Variants in ERMP1 observed in about 807,000 individuals in gnomAD.
The protein encoded by ERMP1 is Felix-ina.
In ERMP1, 86 loss-of-function variants were observed where a neutral mutation model predicts 92.0. The observed-to-expected ratio is 0.93, with a 90% CI of 0.79 to 1.12. ERMP1 has a LOEUF of 1.12. Among genes scored for constraint, ERMP1 ranks in the 50% most tolerant of loss-of-function variants. The pLI, the probability that ERMP1 is intolerant of heterozygous loss-of-function variation, is 0.00. For synonymous variants in ERMP1, 530 were observed against 412.8 expected, an observed-to-expected ratio of 1.28 and a Z score of -3.44; for missense variants, 1,342 against 1,116.3, an observed-to-expected ratio of 1.20 and a Z score of -2.88.
chr9:5,864,061 A>G lies in ERMP1; in HGVS notation n.3055+3741T>C, dbSNP rs1830578861. Among the ~76,000 whole-genome samples, 5 of 152,332 alleles carry G rather than the reference A, an allele frequency of 3.3e-5. No homozygotes were observed. The South Asian group carries it at 1.0e-3, about 32-fold the overall frequency. ...GTCTATGCCCATTTTAAAAAAGCTT[A>G]TGATAGATATGGCCAAACTGCCCTC... On this transcript the variant is annotated intron_variant and non_coding_transcript_variant, in intron 5 of 6. Transcript: ENST00000690753.
Position 5,825,097 on chromosome 9 carries a change from A to G in ERMP1, c.763T>C (p.Leu255=), listed in dbSNP as rs756854302. 6.2e-7 allele frequency: 1 copy of G among 1,613,880 alleles called. No individual in the cohort carries two copies. The highest frequency in any genetic ancestry group is 8.5e-7 in the Non-Finnish European group (1 of 1,179,784). The change falls in exon 3 of 15, where the codon TTG becomes CTG. Residue 255 remains leucine, a synonymous_variant. Transcript: ENST00000339450. ...TTAAAACAGTAAAATCTCACTTGCA[A>G]GACATTTTCCTCAGCACCATTAAAG... The part of the protein sequence containing the change: ...FLFNGAEENV[L]QASHGFITQH...
intron 7 of ERMP1, among the ~76,000 whole-genome samples, 165 bp downstream of exon 7, chr9:5,810,941 AAAAGT>A (rs1344938741): frequency 2.0e-5 from 3 of 152,236 alleles, no homozygotes; most frequent in Non-Finnish European, 2.9e-5. Context: ...CACCAAGACT[AAAAGT>A]AAAATAAGCA....
chr9:5,850,084 G>A (rs888652626), intron 6 of ERMP1, among the ~76,000 whole-genome samples: 1 of 152,160 alleles, frequency 6.6e-6, no homozygotes, highest in African/African-American at 2.4e-5. Flanking sequence ...ACAGCCTGCT[G>A]TTATCAGAGC....
chr9:5,864,507 AC>A (rs1830593420), intron 5 of ERMP1, among the ~76,000 whole-genome samples: 1 of 152,142 alleles, frequency 6.6e-6, no homozygotes, highest in South Asian at 2.1e-4. Context: ...AGGCTATTTA[AC>A]CTCACCCCCG....
intron 5 of ERMP1, 147 bp downstream of exon 5, chr9:5,812,742 C>G: frequency 1.1e-6 from 1 of 885,570 alleles, no homozygotes. Context: ...AAAAAGGAAA[C>G]AAACTCTGTT....
chr9:5,831,954 T>C (rs948759175), intron 1 of ERMP1, among the ~76,000 whole-genome samples: 19 of 152,196 alleles, frequency 1.2e-4, no homozygotes, highest in Non-Finnish European at 1.0e-4. Context: ...ACACTTTGCA[T>C]TCTAGCAAAA....
In ERMP1 at chr9:5,805,182, C is replaced by T; in HGVS notation, c.1759G>A (p.Gly587Arg). ...GCATAAAGATAAGGAATAAACATCC[C>T]CAAAAGGTAAAAAGCAATAAATTTT... Reference protein sequence around the residue: ...QGKFIAFYLLGMFIPYLYALY... With the variant: ...QGKFIAFYLLRMFIPYLYALY... Residue 587 changes from glycine (G) to arginine (R), a missense_variant, in exon 10 of 15, where the codon GGG becomes AGG. Coordinates refer to ENST00000339450, the MANE Select transcript of ERMP1 (RefSeq NM_024896.3). 6.2e-7 allele frequency: 1 copy of T among 1,609,756 alleles called. No individual in the cohort carries two copies.
intron 2 of ERMP1, among the ~76,000 whole-genome samples, chr9:5,825,890 T>G (rs1369878059): frequency 6.6e-6 from 1 of 152,236 alleles, no homozygotes; most frequent in African/African-American, 2.4e-5. Flanking sequence ...TAATTAAAAG[T>G]AACTATAAAG....
Position 5,797,876 on chromosome 9 carries a change from CG to C in ERMP1, c.2326del (p.Arg776AspfsTer13). Reference protein sequence around the residue: ...EVSPRNPPHFRLISKEQTPWD... With the variant: ...EVSPRNPPHFXLISKEQTPWD... ...AGGTGTCTGTTCTTTGGATATGAGT[CG>C]GAAATGAGGAGGATTTCTTGGAGAA... is the stretch of plus-strand genomic sequence containing the variant. On this transcript the variant is annotated frameshift_variant, in exon 13 of 15. Coordinates refer to ENST00000339450, the MANE Select transcript of ERMP1 (RefSeq NM_024896.3). LOFTEE classifies it high-confidence loss of function. 1 of 1,613,710 alleles carries C rather than the reference CG, an allele frequency of 6.2e-7. No homozygotes were observed. Among genetic ancestry groups the C allele is most frequent in the Non-Finnish European group, 8.5e-7 (1 of 1,179,864 alleles).
At position 5,785,719 on chromosome 9, in the gene ERMP1, A is replaced by G. The variant is rs1350613599; in HGVS notation, c.*1425T>C. Reference sequence around the variant, plus strand: ...TTCTATTCAGACAGATCCACAGACCACCTTTCAAGAGCATTCCTCTCTCAT... The same window carrying G: ...TTCTATTCAGACAGATCCACAGACCGCCTTTCAAGAGCATTCCTCTCTCAT... On this transcript the variant is annotated 3_prime_UTR_variant, in exon 15 of 15. Transcript: ENST00000339450. 1 of 152,646 alleles carries G rather than the reference A, an allele frequency of 6.6e-6. No individual in the cohort carries two copies. Among genetic ancestry groups the G allele is most frequent in the East Asian group, 1.9e-4 (1 of 5,194 alleles). The allele number at this position is 152,646 out of a possible 1,614,324, so 9.5% of individuals were successfully genotyped here.
chr9:5,847,333 G>A (rs908815248), intron 6 of ERMP1, among the ~76,000 whole-genome samples: 1 of 151,914 alleles, frequency 6.6e-6, no homozygotes, highest in Non-Finnish European at 1.5e-5. Flanking sequence ...CTGCCTCCTG[G>A]GCTCAAACGA....
chr9:5,847,648 C>G (rs1208937858), intron 6 of ERMP1, among the ~76,000 whole-genome samples: 1 of 152,080 alleles, frequency 6.6e-6, no homozygotes, highest in African/African-American at 2.4e-5. Context: ...GTAATCCCGG[C>G]ACTTTGGGAG....
chr9:5,811,045 A>C, intron 7 of ERMP1, 66 bp downstream of exon 7: 1 of 1,100,068 alleles, frequency 9.1e-7, no homozygotes, highest in Non-Finnish European at 1.4e-6. Context: ...AAACAAACTG[A>C]CTGAAAAACT....
rs112542390 is a variant in ERMP1, at chr9:5,847,108, G to C, written n.3199+12360C>G. On this transcript the variant is annotated intron_variant and non_coding_transcript_variant, in intron 6 of 6. Coordinates refer to the ERMP1 transcript ENST00000690753. ...CAGGGGATGGAGGGAAGAGACGCCA[G>C]TAAATTGAATTTGCTGTTTAACTCA... is the stretch of plus-strand genomic sequence containing the variant. Among the ~76,000 whole-genome samples the C allele has an allele frequency of 1.3e-3, 195 of 152,328 alleles. 1 individual carries two copies. Among genetic ancestry groups the C allele is most frequent in the African/African-American group, 4.3e-3 (179 of 41,574 alleles).
chr9:5,812,234 G>GAA lies in ERMP1; in HGVS notation c.1022-19_1022-18dup. On this transcript the variant is annotated splice_polypyrimidine_tract_variant and intron_variant, in intron 5 of 14. Coordinates refer to ENST00000339450, the MANE Select transcript of ERMP1 (RefSeq NM_024896.3). ...AGTCTATTCCTAAAACATATATATA[G>GAA]AAAAAAAAAAGTCATTTTGCTTTAA... 2.4e-5 allele frequency: 32 copies of GAA among 1,326,852 alleles called. No homozygotes were observed. Among genetic ancestry groups the GAA allele is most frequent in the Non-Finnish European group, 2.6e-5 (25 of 974,152 alleles). 82.2% of individuals were successfully genotyped at this position (1,326,852 alleles called of 1,614,324 possible). A position where few individuals can be genotyped will look rare whatever the true frequency, so the allele number is the denominator to read the frequency against.
At chr9:5,864,097 C>T (rs1352497938) in intron 5 of ERMP1, among the ~76,000 whole-genome samples, 2 of 152,196 alleles carry the variant, frequency 1.3e-5, no homozygotes, top group Non-Finnish European at 1.5e-5. Flanking sequence ...CAGAATTGCA[C>T]ATTTTCACTA....
rs78567992 is a variant in ERMP1, at chr9:5,827,573, G to A, written c.641-2354C>T. 3.7e-3 allele frequency among the ~76,000 whole-genome samples: 560 copies of A among 152,192 alleles called. 3 individuals carry two copies. The highest frequency in any genetic ancestry group is 0.018 in the South Asian group (86 of 4,826). On this transcript the variant is annotated intron_variant, in intron 2 of 14. Coordinates refer to ENST00000339450, the MANE Select transcript of ERMP1 (RefSeq NM_024896.3). ...CCTATAAAATTTTAGTTAAAAGTAG[G>A]TTCTAGGGCCAGGCGCAGTGGCTCA...
Position 5,787,158 on chromosome 9 carries a change from G to A in ERMP1, c.2701C>T (p.Leu901Phe). Residue 901 changes from leucine (L) to phenylalanine (F), a missense_variant, in exon 15 of 15, where the codon CTC (leucine) becomes TTC (phenylalanine). Coordinates refer to ENST00000339450, the MANE Select transcript of ERMP1 (RefSeq NM_024896.3). ...CATCCACAAGATTAAAATACAAAGA[G>A]ATCGTAGGTGCACACCCAGGCAGAG... ...FPSAWVCTYD[L>F]FVF The A allele has an allele frequency of 6.2e-7, 1 of 1,613,362 alleles. No homozygotes were observed. Among genetic ancestry groups the A allele is most frequent in the Non-Finnish European group, 8.5e-7 (1 of 1,179,644 alleles).
rs375401937 is a variant in ERMP1 at position 5,824,591 on chromosome 9, C to T, written c.768+501G>A. On this transcript the variant is annotated intron_variant, in intron 3 of 14. Coordinates refer to ENST00000339450, the MANE Select transcript of ERMP1 (RefSeq NM_024896.3). ...CTAATTTTTGTAATTTTAGTAGAGA[C>T]GGGGTTTCACCATGTTGGCCAGGCT... is the stretch of plus-strand genomic sequence containing the variant. Among the ~76,000 whole-genome samples, 5 of 152,020 alleles carry T rather than the reference C, an allele frequency of 3.3e-5. No homozygotes were observed. In the East Asian group the frequency reaches 5.8e-4, roughly 18 times the overall value.
Sources: gnomAD v4.1 joint callset for allele counts (sites outside exome capture counted in the v4.1 genomes callset) on GRCh38, gnomAD v4.1.1 for gene constraint, MANE v1.5 for transcripts, NCBI Gene and HGNC (gene_info 2026-07-23, HGNC 2026-07-21) for gene names.